Variants in GPC5 observed in about 807,000 individuals in gnomAD.
GPC5 encodes the protein glypican-5.
Under a neutral mutation model 53.9 loss-of-function variants are expected in GPC5, and 47 were observed. The ratio of observed to expected loss-of-function variants is 0.87; its 90% confidence interval spans 0.69 to 1.11. GPC5 has a LOEUF of 1.11. GPC5 is among the 50% of genes most tolerant of loss of function. The probability of loss-of-function intolerance (pLI) is 0.00; values close to 1 mark genes in which losing one functional copy is unlikely to be tolerated. For missense variants in GPC5, 748 were observed against 713.1 expected, an observed-to-expected ratio of 1.05 and a Z score of -0.56; for synonymous variants, 286 against 263.3, an observed-to-expected ratio of 1.09 and a Z score of -0.84.
rs1328670648 is a variant in GPC5, at chr13:91,452,689, A to G, written c.325+3767A>G. On this transcript the variant is annotated intron_variant, in intron 2 of 7. Coordinates refer to ENST00000377067, the MANE Select transcript of GPC5 (RefSeq NM_004466.6). The stretch of plus-strand genomic sequence containing the variant: ...AAATTGATGGAGAGTCATCTTCTGT[A>G]AAAAACAACTCTTATCCAGCTTATA... Among the ~76,000 whole-genome samples, 3 of 152,206 alleles carry G rather than the reference A, an allele frequency of 2.0e-5. No homozygotes were observed. In the East Asian group the frequency reaches 5.8e-4, roughly 29 times the overall value.
chr13:92,692,540 G>C, intron 7 of GPC5, among the ~76,000 whole-genome samples: 1 of 124,710 alleles, frequency 8.0e-6, no homozygotes, highest in African/African-American at 2.9e-5. Context: ...TGGGGTGGGG[G>C]GAGGGGGGAG....
At chr13:92,009,535 T>G (rs77540940) in intron 6 of GPC5, among the ~76,000 whole-genome samples, 2,785 of 152,294 alleles carry the variant, frequency 0.018, 42 homozygotes, top group Non-Finnish European at 0.026. Context: ...CCCCAATCAT[T>G]CTTGCTCAGG....
intron 7 of GPC5, among the ~76,000 whole-genome samples, chr13:92,491,755 CT>C (rs1310673111): frequency 6.6e-6 from 1 of 152,110 alleles, no homozygotes; most frequent in East Asian, 1.9e-4. Flanking sequence ...CATGCCCAAA[CT>C]GTTGATTTTT....
intron 7 of GPC5, among the ~76,000 whole-genome samples, chr13:92,587,132 A>G (rs925973481): frequency 5.9e-5 from 9 of 152,158 alleles, no homozygotes; most frequent in Admixed American, 5.9e-4. Flanking sequence ...TTGTACTCCT[A>G]AGTAAAATGT....
At chr13:91,463,090 T>C (rs1259929230) in intron 2 of GPC5, among the ~76,000 whole-genome samples, 2 of 152,052 alleles carry the variant, frequency 1.3e-5, no homozygotes, top group Non-Finnish European at 2.9e-5. Flanking sequence ...CAGGACCCCC[T>C]TGAATACCCA....
intron 2 of GPC5, among the ~76,000 whole-genome samples, chr13:91,501,580 C>A (rs1439541338): frequency 6.6e-6 from 1 of 152,080 alleles, no homozygotes; most frequent in Non-Finnish European, 1.5e-5. Context: ...TGAACTCATC[C>A]TTTTCTGTGG....
intron 6 of GPC5, among the ~76,000 whole-genome samples, chr13:92,118,555 G>A (rs929250966): frequency 3.9e-5 from 6 of 151,972 alleles, no homozygotes; most frequent in African/African-American, 1.5e-4. Flanking sequence ...AAAACAAAAG[G>A]ATTATTTCTC....
At chr13:92,721,769 G>T (rs577065035) in intron 7 of GPC5, among the ~76,000 whole-genome samples, 1 of 151,998 alleles carries the variant, frequency 6.6e-6, no homozygotes, top group African/African-American at 2.4e-5. Context: ...ATTCACACAT[G>T]CCATTAAGTC....
At chr13:91,454,163 C>T (rs531271504) in intron 2 of GPC5, among the ~76,000 whole-genome samples, 3 of 152,096 alleles carry the variant, frequency 2.0e-5, no homozygotes, top group Admixed American at 1.3e-4. Context: ...TCTTTTGAAT[C>T]GGCGTCAACA....
chr13:92,657,911 TCTA>T (rs1886195386), intron 7 of GPC5, among the ~76,000 whole-genome samples: 2 of 152,138 alleles, frequency 1.3e-5, no homozygotes, highest in African/African-American at 4.8e-5. Flanking sequence ...TTTCTATTTT[TCTA>T]TTTTTTTGCA....
intron 7 of GPC5, among the ~76,000 whole-genome samples, chr13:92,626,906 T>G (rs1433189291): frequency 1.3e-5 from 2 of 152,178 alleles, no homozygotes; most frequent in African/African-American, 4.8e-5. Flanking sequence ...ACATTTTTGC[T>G]TTTCATTATT....
rs78798938 is a variant in GPC5 at position 92,208,770 on chromosome 13, T to A, written c.1561+63781T>A. Among the ~76,000 whole-genome samples, 1,369 of 152,328 alleles carry A rather than the reference T, an allele frequency of 9.0e-3. 28 individuals are homozygous for A. Among genetic ancestry groups the A allele is most frequent in the African/African-American group, 0.031 (1,279 of 41,568 alleles). On this transcript the variant is annotated intron_variant, in intron 7 of 7. Coordinates refer to ENST00000377067, the MANE Select transcript of GPC5 (RefSeq NM_004466.6). ...ACTTAAATAGACAGGAATTCACATA[T>A]CTTTTTCAATAACTTCAGATAAAGG... is the stretch of plus-strand genomic sequence containing the variant.
At chr13:92,002,563 A>G (rs779256717) in intron 6 of GPC5, among the ~76,000 whole-genome samples, 2 of 152,186 alleles carry the variant, frequency 1.3e-5, no homozygotes, top group Non-Finnish European at 2.9e-5. Context: ...TTATAGTAAC[A>G]TGTTACAAAG....
At chr13:92,423,767 A>G (rs1164730826) in intron 7 of GPC5, among the ~76,000 whole-genome samples, 1 of 152,190 alleles carries the variant, frequency 6.6e-6, no homozygotes, top group Non-Finnish European at 1.5e-5. Flanking sequence ...TAGTGAAATT[A>G]CATGTTTGAT....
intron 2 of GPC5, among the ~76,000 whole-genome samples, chr13:91,616,385 C>T (rs994118856): frequency 2.6e-5 from 4 of 152,000 alleles, no homozygotes; most frequent in Admixed American, 2.0e-4. Context: ...TAAGGCCTCC[C>T]AGTGTTTCCT....
chr13:92,220,272 C>T (rs764611991), intron 7 of GPC5, among the ~76,000 whole-genome samples: 23 of 151,864 alleles, frequency 1.5e-4, no homozygotes, highest in Non-Finnish European at 3.4e-4. Context: ...AAAAAAAAAT[C>T]CTGCCCTAAG....
intron 2 of GPC5, among the ~76,000 whole-genome samples, chr13:91,684,275 C>T (rs345435): frequency 0.22 from 33,065 of 152,030 alleles, 4,703 homozygotes; most frequent in African/African-American, 0.4. Context: ...CACTTTCAGA[C>T]TTATATCAAC....
At chr13:92,119,178 G>A (rs1384720963) in intron 6 of GPC5, among the ~76,000 whole-genome samples, 1 of 152,066 alleles carries the variant, frequency 6.6e-6, no homozygotes, top group African/African-American at 2.4e-5. Flanking sequence ...CATTTGTGCA[G>A]GGGAACTCCC....
At chr13:91,833,426 A>G (rs2038686137) in intron 5 of GPC5, among the ~76,000 whole-genome samples, 1 of 152,162 alleles carries the variant, frequency 6.6e-6, no homozygotes, top group South Asian at 2.1e-4. Context: ...AAAACCTGGC[A>G]AAGGCACAAC....
Sources: allele counts gnomAD v4.1 joint callset (sites outside exome capture counted in the v4.1 genomes callset), GRCh38; gene constraint gnomAD v4.1.1; transcripts MANE v1.5; gene names NCBI Gene and HGNC (gene_info 2026-07-23, HGNC 2026-07-21).